TASOR: variants seen among roughly 807,000 people sequenced by gnomAD.
The protein encoded by TASOR is transcription activation suppressor, also known as protein TASOR.
TASOR carries 53 observed loss-of-function variants against 178.6 expected under a neutral mutation model. The ratio of observed to expected loss-of-function variants is 0.30; its 90% CI spans 0.24 to 0.37. The LOEUF (loss-of-function observed/expected upper bound fraction) is 0.37. Among genes scored for constraint, TASOR ranks in the 10% least tolerant of loss-of-function variants. The pLI, the probability that TASOR is intolerant of heterozygous loss-of-function variation, is 1.00. For synonymous variants in TASOR, 713 were observed against 696.2 expected, an observed-to-expected ratio of 1.02 and a Z score of -0.38; for missense variants, 1,815 against 1,971.4, an observed-to-expected ratio of 0.92 and a Z score of 1.50.
intron 11 of TASOR, among the ~76,000 whole-genome samples, chr3:56,658,052 G>A (rs2077510085): frequency 6.7e-6 from 1 of 149,496 alleles, no homozygotes; most frequent in South Asian, 2.1e-4. Context: ...AACCTTGTGT[G>A]CATTTCTTGG....
rs535620959 is a variant in TASOR, at chr3:56,652,230, T to C, written c.1369-3173A>G. 1.5e-3 allele frequency among the ~76,000 whole-genome samples: 233 copies of C among 152,320 alleles called. 1 individual carries two copies. Among genetic ancestry groups the C allele is most frequent in the African/African-American group, 5.4e-3 (225 of 41,554 alleles). The stretch of plus-strand genomic sequence containing the variant: ...ATGTTCGGGAATTAGATAGTGTTGA[T>C]GTTGCACAACAGTGTGAATCTACTT... On this transcript the variant is annotated intron_variant, in intron 11 of 23. Coordinates refer to ENST00000683822, the MANE Select transcript of TASOR (RefSeq NM_001365635.2).
In TASOR at chr3:56,623,440, C is replaced by A; in HGVS notation, c.4610G>T (p.Arg1537Leu). The A allele has an allele frequency of 6.2e-7, 1 of 1,613,660 alleles. No individual in the cohort carries two copies. Among genetic ancestry groups the A allele is most frequent in the Non-Finnish European group, 8.5e-7 (1 of 1,179,980 alleles). The change falls in exon 24 of 24, where the codon CGT becomes CTT. Residue 1537 changes from arginine to leucine, a missense_variant. By Grantham distance (102) the Arg-to-Leu change is moderately radical. Coordinates refer to ENST00000683822, the MANE Select transcript of TASOR (RefSeq NM_001365635.2). ...EIWEKETKGS[R>L]GTDQKKNTQI... ...AGTATTCTTTTTTTGATCTGTTCCA[C>A]GTGATCCTTTGGTCTCTTTCTCCCA...
intron 11 of TASOR, among the ~76,000 whole-genome samples, chr3:56,657,445 C>T (rs1164091759): frequency 6.6e-6 from 1 of 150,908 alleles, no homozygotes; most frequent in Non-Finnish European, 1.5e-5. Flanking sequence ...TTCTAATATA[C>T]AAAAATGTAT....
chr3:56,668,178 A>C (rs1028121023), intron 6 of TASOR, among the ~76,000 whole-genome samples: 2 of 152,186 alleles, frequency 1.3e-5, no homozygotes, highest in African/African-American at 4.8e-5. Context: ...GAGTCTATAA[A>C]TATTACCCTG....
At chr3:56,653,109 G>A (rs903465325) in intron 11 of TASOR, among the ~76,000 whole-genome samples, 11 of 151,246 alleles carry the variant, frequency 7.3e-5, no homozygotes, top group Non-Finnish European at 1.5e-4. Context: ...CTAAATACAC[G>A]AAAATTAGCC....
chr3:56,675,926 G>A (rs940675725), intron 1 of TASOR, among the ~76,000 whole-genome samples: 2 of 152,098 alleles, frequency 1.3e-5, no homozygotes, highest in South Asian at 2.1e-4. Context: ...TAAAAACGTA[G>A]TTTTCAATGG....
rs751804083 is a variant in TASOR, at chr3:56,641,688, G to C, written c.2280C>G (p.Thr760=). ...DADLRRQQQD[T]CNSGIADIHR... Reference sequence around the variant, plus strand: ...GGATGTCAGCAATGCCGGAGTTACAGGTATCCTGCTGCTGCCGCCTCAAGT... The same window carrying C: ...GGATGTCAGCAATGCCGGAGTTACACGTATCCTGCTGCTGCCGCCTCAAGT... Residue 760 remains threonine, a synonymous_variant, in exon 15 of 24, where the codon ACC becomes ACG. Coordinates refer to ENST00000683822, the MANE Select transcript of TASOR (RefSeq NM_001365635.2). The C allele has an allele frequency of 6.2e-7, 1 of 1,614,200 alleles. No homozygotes were observed. The highest frequency in any genetic ancestry group is 1.1e-5 in the South Asian group (1 of 91,084).
chr3:56,675,462 C>G (rs1182800702), intron 1 of TASOR, among the ~76,000 whole-genome samples: 2 of 152,164 alleles, frequency 1.3e-5, no homozygotes, highest in African/African-American at 2.4e-5. Context: ...CGGGCATGAG[C>G]CACCGTGCCC....
intron 17 of TASOR, among the ~76,000 whole-genome samples, chr3:56,637,707 G>A (rs2077045449): frequency 6.6e-6 from 1 of 151,784 alleles, no homozygotes; most frequent in Non-Finnish European, 1.5e-5. Flanking sequence ...CAAAGATGTA[G>A]TCATTTCACA....
intron 5 of TASOR, 31 bp downstream of exon 5, chr3:56,669,669 T>C (rs879766234): frequency 4.9e-5 from 66 of 1,350,518 alleles, no homozygotes; most frequent in Non-Finnish European, 6.5e-5. Context: ...AGTGTAGTTT[T>C]TCATACATGA....
intron 5 of TASOR, among the ~76,000 whole-genome samples, chr3:56,669,152 C>G (rs1442485332): frequency 6.6e-6 from 1 of 152,102 alleles, no homozygotes; most frequent in Non-Finnish European, 1.5e-5. Context: ...ATATTACTCT[C>G]TACATTCCTT....
chr3:56,670,369 T>A (rs1355223925), intron 3 of TASOR, among the ~76,000 whole-genome samples: 3 of 152,182 alleles, frequency 2.0e-5, no homozygotes, highest in African/African-American at 7.2e-5. Flanking sequence ...CATTTTAATT[T>A]TTTTAGAGAT....
intron 18 of TASOR, 62 bp from the exon 19 acceptor site, chr3:56,628,676 C>A (rs1578188209): frequency 1.8e-6 from 2 of 1,137,878 alleles, no homozygotes; most frequent in East Asian, 2.5e-5. Context: ...CAATTTAACA[C>A]CAGAAATGCA....
At position 56,641,529 on chromosome 3, in the gene TASOR, C is replaced by T. The variant is rs1371679915; in HGVS notation, c.2439G>A (p.Glu813=). 3 of 1,614,056 alleles carry T rather than the reference C, an allele frequency of 1.9e-6. No individual in the cohort carries two copies. Among genetic ancestry groups the T allele is most frequent in the Non-Finnish European group, 2.5e-6 (3 of 1,180,020 alleles). ...DAYEELRQKH[E]YELNSTPDKK... ...TATCTGGGGTAGAGTTCAACTCATA[C>T]TCATGTTTTTGCCTCAGCTCTTCAT... The change falls in exon 15 of 24, where the codon GAG becomes GAA. Residue 813 remains glutamate, a synonymous_variant. Transcript: ENST00000683822.
chr3:56,682,726 C>T lies in TASOR; in HGVS notation c.281G>A (p.Arg94Lys), dbSNP rs1347996554. Residue 94 changes from arginine (R) to lysine (K), a missense_variant, in exon 1 of 24, where the codon AGG (arginine) becomes AAG (lysine). Arg to Lys is a conservative substitution (Grantham distance 26). Transcript: ENST00000683822. ...GATCTGAAAACTCCTCCTAACAGGC[C>T]TTTCGGGCTCTTCGGGGCCTCTGGG... The part of the protein sequence containing the change: ...ALPRGPEEPE[R>K]PVRRSFQIPR... The T allele has an allele frequency of 2.0e-6, 3 of 1,508,806 alleles. No individual in the cohort carries two copies. The highest frequency in any genetic ancestry group is 2.8e-5 in the African/African-American group (2 of 70,680). The allele number at this position is 1,508,806 out of a possible 1,614,324, so 93.5% of individuals were successfully genotyped here. A position where few individuals can be genotyped will look rare whatever the true frequency, so the allele number is the denominator to read the frequency against.
At chr3:56,669,631 C>T in intron 5 of TASOR, 69 bp downstream of exon 5, 1 of 936,858 alleles carries the variant, frequency 1.1e-6, no homozygotes, top group Non-Finnish European at 1.6e-6. Context: ...CTAAAAACAG[C>T]ATCATCTAAA....
At chr3:56,647,403 A>AC (rs146432449) in intron 13 of TASOR, among the ~76,000 whole-genome samples, 180 bp from the exon 14 acceptor site, 7,472 of 152,284 alleles carry the variant, frequency 0.049, 191 homozygotes, top group East Asian at 0.091. Flanking sequence ...GCATGCTTGT[A>AC]AAGTCCAGGA....
At chr3:56,682,543 T>G in intron 1 of TASOR, 133 bp downstream of exon 1, 5 of 788,054 alleles carry the variant, frequency 6.3e-6, no homozygotes, top group Non-Finnish European at 9.0e-6. Flanking sequence ...GCCGTGGCGG[T>G]GAGGGGAGAG....
intron 1 of TASOR, among the ~76,000 whole-genome samples, chr3:56,681,267 G>A (rs1202816969): frequency 6.6e-6 from 1 of 152,032 alleles, no homozygotes; most frequent in Non-Finnish European, 1.5e-5. Context: ...ATTACACTGG[G>A]AACTTTTCTC....
Sources: allele counts gnomAD v4.1 joint callset (sites outside exome capture counted in the v4.1 genomes callset), GRCh38; gene constraint gnomAD v4.1.1; transcripts MANE v1.5; gene names NCBI Gene and HGNC (gene_info 2026-07-23, HGNC 2026-07-21).